Variants in TMPRSS15 observed in about 807,000 individuals in gnomAD.
The protein encoded by TMPRSS15 is transmembrane serine protease 15, also known as enteropeptidase.
Under a neutral mutation model 125.3 loss-of-function variants are expected in TMPRSS15, and 128 were observed. That is an observed-to-expected ratio of 1.02 (90% CI 0.89 to 1.18). TMPRSS15 has a LOEUF of 1.18. Ranked by LOEUF, TMPRSS15 falls within the 50% of genes most tolerant of loss-of-function variation. The pLI, the probability that TMPRSS15 is intolerant of heterozygous loss-of-function variation, is 0.00. For missense variants in TMPRSS15, 1,283 were observed against 1,212.7 expected (o/e 1.06, Z -0.86); for synonymous variants, 446 against 423.2 (o/e 1.05, Z -0.66).
intron 1 of TMPRSS15, among the ~76,000 whole-genome samples, chr21:18,467,430 A>T (rs1978689861): frequency 6.6e-6 from 1 of 151,620 alleles, no homozygotes; most frequent in Non-Finnish European, 1.5e-5. Flanking sequence ...TAATAAACTA[A>T]GTTCCTACTT....
In TMPRSS15 at chr21:18,337,736, G is replaced by A. The variant is rs530298502; in HGVS notation, c.1564+3677C>T. Among the ~76,000 whole-genome samples, 5 of 152,164 alleles carry A rather than the reference G, an allele frequency of 3.3e-5. No homozygotes were observed. The East Asian group carries it at 7.7e-4, about 24-fold the overall frequency. Reference sequence around the variant, plus strand: ...GTTTTCTTCTTTAAGTGCTCTATACGAACCCAAAGAAAGGCTATTAGCCAG... The same window carrying A: ...GTTTTCTTCTTTAAGTGCTCTATACAAACCCAAAGAAAGGCTATTAGCCAG... On this transcript the variant is annotated intron_variant, in intron 13 of 24. Transcript: ENST00000284885.
intron 1 of TMPRSS15, among the ~76,000 whole-genome samples, chr21:18,427,958 G>C (rs2076207094): frequency 6.6e-6 from 1 of 152,186 alleles, no homozygotes; most frequent in Non-Finnish European, 1.5e-5. Flanking sequence ...CACAGAAATG[G>C]ACACAACTCA....
At chr21:18,319,422 A>ATTT (rs35796863) in intron 16 of TMPRSS15, among the ~76,000 whole-genome samples, 109 of 105,274 alleles carry the variant, frequency 1.0e-3, no homozygotes, top group Non-Finnish European at 1.5e-3. Flanking sequence ...TTCTTCACCG[A>ATTT]TTTTTTTTTT....
chr21:18,383,749 A>G lies in TMPRSS15; in HGVS notation c.374T>C (p.Leu125Pro), dbSNP rs780727938. ...ENGSIIVVFD[L>P]FFAQWVSDEN... ...ATCTGACACCCACTGGGCAAAGAAA[A>G]GGTCAAATACGACTATAATGCTGCC... Residue 125 changes from leucine to proline, a missense_variant, in exon 4 of 25, where the codon CTT becomes CCT. Transcript: ENST00000284885. The G allele has an allele frequency of 3.1e-6, 5 of 1,613,778 alleles. No individual in the cohort carries two copies. Among genetic ancestry groups the G allele is most frequent in the Non-Finnish European group, 1.7e-6 (2 of 1,179,834 alleles).
At chr21:18,324,413 T>C (rs186860332) in intron 16 of TMPRSS15, among the ~76,000 whole-genome samples, 1 of 152,260 alleles carries the variant, frequency 6.6e-6, no homozygotes, top group Admixed American at 6.5e-5. Flanking sequence ...ACCAGAAAAC[T>C]AGGTGGTTCA....
intron 1 of TMPRSS15, among the ~76,000 whole-genome samples, chr21:18,465,606 A>G (rs1430686253): frequency 6.6e-6 from 1 of 152,180 alleles, no homozygotes; most frequent in Non-Finnish European, 1.5e-5. Flanking sequence ...AGGCATTCCT[A>G]TAAACAAATA....
intron 4 of TMPRSS15, among the ~76,000 whole-genome samples, chr21:18,382,994 G>A (rs2075906967): frequency 6.6e-6 from 1 of 151,944 alleles, no homozygotes; most frequent in Non-Finnish European, 1.5e-5. Context: ...TTATAAATAG[G>A]TAACTGGAAG....
At chr21:18,409,300 G>A (rs1487997008) in intron 1 of TMPRSS15, among the ~76,000 whole-genome samples, 2 of 151,874 alleles carry the variant, frequency 1.3e-5, no homozygotes, top group African/African-American at 2.4e-5. Context: ...AGAGTAAATT[G>A]GCATTGATTA....
intron 8 of TMPRSS15, among the ~76,000 whole-genome samples, chr21:18,355,824 A>C (rs1670734133): frequency 6.6e-6 from 1 of 151,952 alleles, no homozygotes; most frequent in South Asian, 2.1e-4. Flanking sequence ...GAAAAGGATG[A>C]GATCATGACT....
intron 11 of TMPRSS15, 85 bp from the exon 12 acceptor site, chr21:18,343,741 C>T: frequency 6.8e-7 from 1 of 1,464,954 alleles, no homozygotes; most frequent in East Asian, 2.3e-5. Context: ...TTTTTACTTT[C>T]TTTGAAATAA....
At position 18,389,258 on chromosome 21, in the gene TMPRSS15, TAAG is replaced by T. The variant is rs2075971569; in HGVS notation, c.345-5483_345-5481del. ...GCAGGGAGGGAAGGAAGAAGTAAAT[TAAG>T]GAAGGAAGGAAGGAAGGGAGGAAGA... On this transcript the variant is annotated intron_variant, in intron 3 of 24. Coordinates refer to ENST00000284885, the MANE Select transcript of TMPRSS15 (RefSeq NM_002772.3). Among the ~76,000 whole-genome samples the T allele has an allele frequency of 2.0e-5, 3 of 150,372 alleles. No homozygotes were observed. The South Asian group carries it at 6.4e-4, about 32-fold the overall frequency.
At chr21:18,415,412 C>G (rs951341428) in intron 1 of TMPRSS15, among the ~76,000 whole-genome samples, 4 of 152,080 alleles carry the variant, frequency 2.6e-5, no homozygotes, top group Non-Finnish European at 5.9e-5. Context: ...GTGCCATAGT[C>G]AAGAAATCTT....
At chr21:18,321,429 C>CG (rs1569006682) in intron 16 of TMPRSS15, among the ~76,000 whole-genome samples, 1 of 146,768 alleles carries the variant, frequency 6.8e-6, no homozygotes, top group Non-Finnish European at 1.5e-5. Context: ...CTCGGCTCAC[C>CG]GCAAGCTCCA....
chr21:18,458,674 T>C (rs1978488951), intron 1 of TMPRSS15, among the ~76,000 whole-genome samples: 1 of 152,120 alleles, frequency 6.6e-6, no homozygotes, highest in Non-Finnish European at 1.5e-5. Flanking sequence ...ACTATGTATT[T>C]CACAGCCACA....
intron 2 of TMPRSS15, 51 bp downstream of exon 2, chr21:18,398,148 C>G: frequency 6.2e-7 from 1 of 1,604,522 alleles, no homozygotes; most frequent in Non-Finnish European, 8.5e-7. Flanking sequence ...GTGTTTTCAG[C>G]AAGTAGTTAA....
chr21:18,280,346 G>A (rs2074676792), intron 22 of TMPRSS15, among the ~76,000 whole-genome samples: 1 of 152,064 alleles, frequency 6.6e-6, no homozygotes, highest in South Asian at 2.1e-4. Flanking sequence ...GGAGGGCAAG[G>A]TGGGTGGATC....
At chr21:18,332,285 A>G in intron 13 of TMPRSS15, 112 bp from the exon 14 acceptor site, 1 of 946,108 alleles carries the variant, frequency 1.1e-6, no homozygotes, top group Non-Finnish European at 1.7e-6. Context: ...AATTTTGGCA[A>G]GTAAATTTTA....
chr21:18,444,031 T>C (rs1460279443), intron 1 of TMPRSS15, among the ~76,000 whole-genome samples: 13 of 152,086 alleles, frequency 8.5e-5, no homozygotes. Context: ...CCTCCTCTTA[T>C]TGCTAGAAAC....
At chr21:18,329,953 T>G (rs1569012328) in intron 14 of TMPRSS15, among the ~76,000 whole-genome samples, 2 of 152,274 alleles carry the variant, frequency 1.3e-5, no homozygotes, top group East Asian at 1.9e-4. Context: ...TTCTGCTCTT[T>G]TCTCAGATGC....
Sources: gnomAD v4.1 joint callset for allele counts (sites outside exome capture counted in the v4.1 genomes callset) on GRCh38, gnomAD v4.1.1 for gene constraint, MANE v1.5 for transcripts, NCBI Gene and HGNC (gene_info 2026-07-23, HGNC 2026-07-21) for gene names.